The following GNG7 variants were observed in gnomAD, a reference collection of about 807,000 sequenced individuals.
The protein encoded by GNG7 is guanine nucleotide-binding protein G(I)/G(S)/G(O) subunit gamma-7.
GNG7 carries 1 observed loss-of-function variant against 4.0 expected under a neutral mutation model. That is an observed-to-expected ratio of 0.25 (90% CI 0.09 to 1.18). The LOEUF is 1.18. Among genes scored for constraint, GNG7 ranks in the 50% most tolerant of loss-of-function variants. The pLI is 0.50. For synonymous variants in GNG7, 34 were observed against 36.9 expected, an observed-to-expected ratio of 0.92 and a Z score of 0.29; for missense variants, 86 against 91.9, an observed-to-expected ratio of 0.94 and a Z score of 0.26.
At chr19:2,563,519 G>A (rs563716995) in intron 2 of GNG7, among the ~76,000 whole-genome samples, 6 of 152,020 alleles carry the variant, frequency 3.9e-5, no homozygotes, top group African/African-American at 4.8e-5. Context: ...CATTTCTGTC[G>A]CCCAGGCTGG....
At chr19:2,661,302 G>GAAAGAAAGAGAAAGAAAGAAAGAAAGAA in intron 1 of GNG7, among the ~76,000 whole-genome samples, 4 of 73,122 alleles carry the variant, frequency 5.5e-5, no homozygotes, top group East Asian at 8.3e-4. Context: ...AAGAAAGAAA[G>GAAAGAAAGAGAAAGAAAGAAAGAAAGAA]AGAAAGAAAG....
chr19:2,603,450 G>A (rs1315272001), intron 2 of GNG7, among the ~76,000 whole-genome samples: 3 of 152,262 alleles, frequency 2.0e-5, no homozygotes, highest in Non-Finnish European at 2.9e-5. Context: ...TCTCGCATCG[G>A]GTGGGACCGG....
At chr19:2,655,694 C>T (rs974631359) in intron 1 of GNG7, among the ~76,000 whole-genome samples, 2 of 151,792 alleles carry the variant, frequency 1.3e-5, no homozygotes, top group African/African-American at 4.8e-5. Context: ...AAAAAATTAG[C>T]CGGGCGTGGT....
intron 1 of GNG7, among the ~76,000 whole-genome samples, chr19:2,676,023 A>G (rs1037257240): frequency 6.6e-6 from 1 of 152,156 alleles, no homozygotes; most frequent in Non-Finnish European, 1.5e-5. Context: ...AAGACGAGGG[A>G]AATTTGGACA....
chr19:2,693,651 C>G (rs1356476682), intron 1 of GNG7, among the ~76,000 whole-genome samples: 2 of 152,070 alleles, frequency 1.3e-5, no homozygotes, highest in African/African-American at 4.8e-5. Flanking sequence ...CTGCAGGGCG[C>G]TGAGCAGTGT....
chr19:2,669,689 T>C (rs1983401400), intron 1 of GNG7, among the ~76,000 whole-genome samples: 1 of 151,724 alleles, frequency 6.6e-6, no homozygotes, highest in East Asian at 1.9e-4. Flanking sequence ...GCGTCGAAAA[T>C]ATTTACTCTC....
Position 2,611,666 on chromosome 19 carries a change from G to A in GNG7, c.-78+34558C>T, listed in dbSNP as rs1439763849. On this transcript the variant is annotated intron_variant, in intron 2 of 4. Coordinates refer to ENST00000382159, the MANE Select transcript of GNG7 (RefSeq NM_052847.3). The surrounding 1 kb of genome is among the most constrained non-coding windows in gnomAD (Gnocchi z 6.0). ...AGCCTGGCCAAGAGAGCAACACCAGGTCTCTACAAAAAATTAAAAATTAGC... is the reference window on the plus strand; with the variant it reads ...AGCCTGGCCAAGAGAGCAACACCAGATCTCTACAAAAAATTAAAAATTAGC... 3 of 151,064 alleles carry A rather than the reference G, an allele frequency of 2.0e-5. No homozygotes were observed. The highest frequency in any genetic ancestry group is 7.3e-5 in the African/African-American group (3 of 41,106). 9.4% of individuals were successfully genotyped at this position (151,064 alleles called of 1,614,324 possible). A position where few individuals can be genotyped will look rare whatever the true frequency, so the allele number is the denominator to read the frequency against.
chr19:2,568,276 T>G (rs1052566141), intron 2 of GNG7, among the ~76,000 whole-genome samples: 1 of 138,178 alleles, frequency 7.2e-6, no homozygotes, highest in East Asian at 2.1e-4. Flanking sequence ...GAGACACATA[T>G]AGACTTACAC....
At chr19:2,615,169 T>C (rs1346478768) in intron 2 of GNG7, among the ~76,000 whole-genome samples, 1 of 151,970 alleles carries the variant, frequency 6.6e-6, no homozygotes, top group African/African-American at 2.4e-5. Flanking sequence ...GACACTCTTT[T>C]TTTTTTTTTT....
chr19:2,585,479 A>ATATTTCAG (rs1555695912), intron 2 of GNG7, among the ~76,000 whole-genome samples: 1 of 151,678 alleles, frequency 6.6e-6, no homozygotes, highest in African/African-American at 2.4e-5. Flanking sequence ...AACAGTTGGC[A>ATATTTCAG]TATTTGAGTA....
chr19:2,649,390 A>AATTATTATTATTATTGTTATTATTATT (rs1982749947), intron 1 of GNG7, among the ~76,000 whole-genome samples: 1 of 145,796 alleles, frequency 6.9e-6, no homozygotes, highest in Admixed American at 6.9e-5. Context: ...CACCCCTAGG[A>AATTATTATTATTATTGTTATTATTATT]ATTATTATTA....
chr19:2,693,171 T>C (rs1264936824), intron 1 of GNG7, among the ~76,000 whole-genome samples: 2 of 149,380 alleles, frequency 1.3e-5, no homozygotes, highest in Non-Finnish European at 3.0e-5. Flanking sequence ...TAGTCCCAGC[T>C]ACTCTGGAGG....
chr19:2,573,462 C>G (rs534490706), intron 2 of GNG7, among the ~76,000 whole-genome samples: 1 of 152,260 alleles, frequency 6.6e-6, no homozygotes, highest in Admixed American at 6.5e-5. Context: ...GTACCCTGTC[C>G]CCTCACAGCT....
At chr19:2,589,284 G>A (rs565620011) in intron 2 of GNG7, among the ~76,000 whole-genome samples, 8 of 149,936 alleles carry the variant, frequency 5.3e-5, no homozygotes, top group South Asian at 2.1e-4. Context: ...GTGCAGTGGC[G>A]CGATATCAGC....
Position 2,514,079 on chromosome 19 carries a change from C to T in GNG7, c.*943G>A, listed in dbSNP as rs1972693045. 6.6e-6 allele frequency: 1 copy of T among 152,396 alleles called. No individual in the cohort carries two copies. The highest frequency in any genetic ancestry group is 2.1e-4 in the South Asian group (1 of 4,846). The allele number at this position is 152,396 out of a possible 1,614,324, so 9.4% of individuals were successfully genotyped here. A position where few individuals can be genotyped will look rare whatever the true frequency, so the allele number is the denominator to read the frequency against. Reference sequence around the variant, plus strand: ...GGGCGTAGTGGCACACGCCTGTAGTCTCAGCTACTCGGGAGGCTGAGGCAG... The same window carrying T: ...GGGCGTAGTGGCACACGCCTGTAGTTTCAGCTACTCGGGAGGCTGAGGCAG... On this transcript the variant is annotated 3_prime_UTR_variant, in exon 5 of 5. Transcript: ENST00000382159.
chr19:2,513,080 G>A lies in GNG7; in HGVS notation c.*1942C>T. 2 of 985,574 alleles carry A rather than the reference G, an allele frequency of 2.0e-6. No individual in the cohort carries two copies. Among genetic ancestry groups the A allele is most frequent in the Non-Finnish European group, 2.4e-6 (2 of 830,066 alleles). 61.1% of individuals were successfully genotyped at this position (985,574 alleles called of 1,614,324 possible). A position where few individuals can be genotyped will look rare whatever the true frequency, so the allele number is the denominator to read the frequency against. ...TGCCGGGGGTGGGGAGCCCGGCTGTGGCCTGTGGGAGCTGCCCGAGGTTGA... is the reference window on the plus strand; with the variant it reads ...TGCCGGGGGTGGGGAGCCCGGCTGTAGCCTGTGGGAGCTGCCCGAGGTTGA... On this transcript the variant is annotated 3_prime_UTR_variant, in exon 5 of 5. Transcript: ENST00000382159.
intron 2 of GNG7, among the ~76,000 whole-genome samples, chr19:2,562,521 C>A (rs1979774958): frequency 1.3e-5 from 2 of 152,138 alleles, no homozygotes; most frequent in African/African-American, 4.8e-5. Context: ...ACTTTCAATA[C>A]CTACAACAGG....
At chr19:2,616,704 C>A (rs185723573) in intron 2 of GNG7, among the ~76,000 whole-genome samples, 47 of 151,904 alleles carry the variant, frequency 3.1e-4, no homozygotes, top group African/African-American at 1.0e-3. Flanking sequence ...ACCCGGGAGG[C>A]AGAGGTTGCA....
chr19:2,592,391 C>T (rs1195342373), intron 2 of GNG7, among the ~76,000 whole-genome samples: 1 of 151,922 alleles, frequency 6.6e-6, no homozygotes, highest in Non-Finnish European at 1.5e-5. Flanking sequence ...TGGCAGAAAA[C>T]ATCACTTTAA....
Sources: gnomAD v4.1 joint callset for allele counts (sites outside exome capture counted in the v4.1 genomes callset) on GRCh38, gnomAD v4.1.1 for gene constraint, Gnocchi (gnomAD v3.1) non-coding constraint, MANE v1.5 for transcripts, NCBI Gene and HGNC (gene_info 2026-07-23, HGNC 2026-07-21) for gene names.